The following ABAT variants were observed in gnomAD, a reference collection of about 807,000 sequenced individuals.
ABAT encodes 4-aminobutyrate aminotransferase.
Under a neutral mutation model 64.6 loss-of-function variants are expected in ABAT, and 45 were observed. The ratio of observed to expected loss-of-function variants is 0.70; its 90% confidence interval spans 0.55 to 0.89. The LOEUF is 0.89. Ranked by LOEUF, ABAT falls within the 40% of genes least tolerant of loss-of-function variation. ABAT has a pLI of 0.00. For missense variants in ABAT, 633 were observed against 658.4 expected, an observed-to-expected ratio of 0.96 and a Z score of 0.42; for synonymous variants, 297 against 250.5, an observed-to-expected ratio of 1.19 and a Z score of -1.75.
At chr16:8,698,578 C>T (rs1275315772) in intron 1 of ABAT, among the ~76,000 whole-genome samples, 1 of 152,178 alleles carries the variant, frequency 6.6e-6, no homozygotes, top group African/African-American at 2.4e-5. Flanking sequence ...AGGTGATCCA[C>T]CTGCCTCAGC....
At chr16:8,731,579 G>A (rs1174218663) in intron 1 of ABAT, 1 of 151,766 alleles carries the variant, frequency 6.6e-6, no homozygotes, top group Non-Finnish European at 1.5e-5. Context: ...TTGTCTAGTT[G>A]TCCTTGATAG....
At chr16:8,692,795 A>G (rs1351636420) in intron 1 of ABAT, among the ~76,000 whole-genome samples, 2 of 152,174 alleles carry the variant, frequency 1.3e-5, no homozygotes, top group Non-Finnish European at 1.5e-5. Context: ...CTGAAAGAAC[A>G]CTTCCCCTAC....
At chr16:8,735,842 C>T in intron 2 of ABAT, 33 bp downstream of exon 2, 1 of 1,557,228 alleles carries the variant, frequency 6.4e-7, no homozygotes, top group Non-Finnish European at 8.7e-7. Flanking sequence ...AGAACTGGTA[C>T]TAATGGAAGA....
intron 1 of ABAT, among the ~76,000 whole-genome samples, chr16:8,709,128 G>C (rs535461114): frequency 6.6e-6 from 1 of 152,208 alleles, no homozygotes; most frequent in African/African-American, 2.4e-5. Context: ...TTAGTTTTAT[G>C]CTAATTTATT....
At chr16:8,779,817 G>A (rs1249547815) in intron 15 of ABAT, among the ~76,000 whole-genome samples, 2 of 152,124 alleles carry the variant, frequency 1.3e-5, no homozygotes, top group Non-Finnish European at 2.9e-5. Flanking sequence ...AGTTGTAAGT[G>A]GACACTGGAG....
chr16:8,764,290 T>C lies in ABAT; in HGVS notation c.447+141T>C. 1.2e-6 allele frequency: 1 copy of C among 800,852 alleles called. No individual in the cohort carries two copies. The highest frequency in any genetic ancestry group is 1.5e-5 in the South Asian group (1 of 66,500). 49.6% of individuals were successfully genotyped at this position (800,852 alleles called of 1,614,324 possible). Reference sequence around the variant, plus strand: ...AGCTTATTCTTCCATGCAGAGTATTTTAAATTTTTCTTTTAAAGGACAGAA... The same window carrying C: ...AGCTTATTCTTCCATGCAGAGTATTCTAAATTTTTCTTTTAAAGGACAGAA... On this transcript the variant is annotated intron_variant, in intron 7 of 15. Transcript: ENST00000268251. The surrounding 1 kb of genome is among the most constrained non-coding windows in gnomAD (Gnocchi z 4.2).
intron 9 of ABAT, among the ~76,000 whole-genome samples, chr16:8,767,263 A>G (rs1429357618): frequency 6.6e-6 from 1 of 152,106 alleles, no homozygotes; most frequent in Non-Finnish European, 1.5e-5. Flanking sequence ...GCGTCCATGC[A>G]CCCCTCCTGA....
chr16:8,738,126 G>C (rs2142457445), intron 2 of ABAT, among the ~76,000 whole-genome samples: 1 of 151,666 alleles, frequency 6.6e-6, no homozygotes, highest in Middle Eastern at 3.4e-3. Flanking sequence ...TTTGAGACCA[G>C]CCTGGGCAAC....
At chr16:8,752,480 C>T (rs1249909315) in intron 5 of ABAT, among the ~76,000 whole-genome samples, 5 of 152,146 alleles carry the variant, frequency 3.3e-5, no homozygotes, top group Non-Finnish European at 7.4e-5. Flanking sequence ...GAAGTTTGGT[C>T]GGGCACGGTG....
chr16:8,740,702 G>T (rs2059139550), intron 2 of ABAT, among the ~76,000 whole-genome samples: 2 of 152,196 alleles, frequency 1.3e-5, no homozygotes, highest in South Asian at 4.1e-4. Context: ...ATCATTTTAT[G>T]CCTCCCCAAA....
In ABAT at chr16:8,764,742, C is replaced by T. The variant is rs1292402157; in HGVS notation, c.452C>T (p.Ala151Val). Residue 151 changes from alanine to valine, a missense_variant, in exon 8 of 16, where the codon GCT (alanine) becomes GTT (valine). Ala to Val is a moderately conservative substitution (Grantham distance 64). Coordinates refer to ENST00000268251, the MANE Select transcript of ABAT (RefSeq NM_020686.6). The surrounding 1 kb of genome is among the most constrained non-coding windows in gnomAD (Gnocchi z 4.2). ...EKLRQSLLSV[A>V]PKGMSQLITM... is the part of the protein sequence containing the mutation. ...CGGCTATTTCCCTCCCCACAGGTGGCTCCCAAAGGGATGTCCCAGCTCATC... is the reference window on the plus strand; with the variant it reads ...CGGCTATTTCCCTCCCCACAGGTGGTTCCCAAAGGGATGTCCCAGCTCATC... 2 of 1,613,986 alleles carry T rather than the reference C, an allele frequency of 1.2e-6. No individual in the cohort carries two copies. Among genetic ancestry groups the T allele is most frequent in the Non-Finnish European group, 1.7e-6 (2 of 1,179,990 alleles).
At chr16:8,684,634 G>A (rs146581200) in intron 1 of ABAT, among the ~76,000 whole-genome samples, 71 of 151,434 alleles carry the variant, frequency 4.7e-4, no homozygotes, top group African/African-American at 1.5e-3. Context: ...CAGGAGGGTC[G>A]CTTGAGTCAA....
At chr16:8,680,846 G>C (rs1596395807) in intron 1 of ABAT, among the ~76,000 whole-genome samples, 1 of 152,076 alleles carries the variant, frequency 6.6e-6, no homozygotes, top group East Asian at 1.9e-4. Flanking sequence ...TGTGTTTGTT[G>C]CTTATTTGTA....
chr16:8,695,347 T>A (rs1045035040), intron 1 of ABAT, among the ~76,000 whole-genome samples: 8 of 152,238 alleles, frequency 5.3e-5, no homozygotes, highest in Non-Finnish European at 1.2e-4. Flanking sequence ...GGCCAGCGCC[T>A]TGCTGTAGTT....
chr16:8,699,104 G>A (rs992084945), intron 1 of ABAT, among the ~76,000 whole-genome samples: 8 of 152,124 alleles, frequency 5.3e-5, no homozygotes, highest in African/African-American at 9.7e-5. Context: ...TTGAGGAACC[G>A]CCTGTTTTCC....
intron 1 of ABAT, among the ~76,000 whole-genome samples, chr16:8,711,157 T>C (rs1018851372): frequency 6.6e-6 from 1 of 152,198 alleles, no homozygotes; most frequent in Non-Finnish European, 1.5e-5. Flanking sequence ...GACAAATTGC[T>C]CTCCAAGCCA....
At chr16:8,775,665 C>T (rs564791582) in intron 13 of ABAT, among the ~76,000 whole-genome samples, 1 of 152,168 alleles carries the variant, frequency 6.6e-6, no homozygotes, top group African/African-American at 2.4e-5. Context: ...AAAATGGCTT[C>T]TGATGCTCCA....
intron 1 of ABAT, among the ~76,000 whole-genome samples, chr16:8,730,961 A>G (rs1469078330): frequency 6.6e-6 from 1 of 152,162 alleles, no homozygotes. Context: ...AAGAGAAACT[A>G]TTTCTAATTT....
chr16:8,691,002 A>G (rs540137120), intron 1 of ABAT, among the ~76,000 whole-genome samples: 47 of 152,178 alleles, frequency 3.1e-4, no homozygotes, highest in African/African-American at 1.1e-3. Context: ...GGGGGAAATA[A>G]TGTTGTTTTA....
Sources: allele counts gnomAD v4.1 joint callset (sites outside exome capture counted in the v4.1 genomes callset), GRCh38; gene constraint gnomAD v4.1.1; non-coding constraint Gnocchi (gnomAD v3.1); transcripts MANE v1.5; gene names NCBI Gene and HGNC (gene_info 2026-07-23, HGNC 2026-07-21).